FILIP1: variants seen among roughly 807,000 people sequenced by gnomAD.
FILIP1 encodes filamin-A-interacting protein 1.
In FILIP1, 61 loss-of-function variants were observed where a neutral mutation model predicts 102.1. The ratio of observed to expected loss-of-function variants is 0.60; its 90% CI spans 0.49 to 0.74. The LOEUF is 0.74. Among genes scored for constraint, FILIP1 ranks in the 30% least tolerant of loss-of-function variants. The pLI is 0.00. For missense variants in FILIP1, 1,314 were observed against 1,441.2 expected (o/e 0.91, Z 1.43); for synonymous variants, 491 against 526.9 (o/e 0.93, Z 0.93).
At chr6:75,345,498 G>A (rs1232503335) in intron 4 of FILIP1, among the ~76,000 whole-genome samples, 1 of 152,102 alleles carries the variant, frequency 6.6e-6, no homozygotes, top group Non-Finnish European at 1.5e-5. Flanking sequence ...CAAAATGGCA[G>A]GGCCATCTTC....
chr6:75,372,184 A>G (rs1775541505), intron 2 of FILIP1, among the ~76,000 whole-genome samples: 1 of 152,100 alleles, frequency 6.6e-6, no homozygotes, highest in African/African-American at 2.4e-5. Context: ...CCTGACCAAC[A>G]TGGAGAAACC....
At chr6:75,356,079 T>C (rs921048632) in intron 3 of FILIP1, among the ~76,000 whole-genome samples, 1 of 152,200 alleles carries the variant, frequency 6.6e-6, no homozygotes, top group African/African-American at 2.4e-5. Flanking sequence ...GCCACCCCAA[T>C]TGAGAACCAC....
At chr6:75,431,264 T>C (rs1166591348) in intron 1 of FILIP1, among the ~76,000 whole-genome samples, 1 of 152,214 alleles carries the variant, frequency 6.6e-6, no homozygotes, top group East Asian at 1.9e-4. Context: ...TAATTTTTAA[T>C]GTCTAAAATT....
chr6:75,385,624 T>G (rs1442413039), intron 2 of FILIP1: 3 of 152,180 alleles, frequency 2.0e-5, no homozygotes, highest in Admixed American at 2.0e-4. Context: ...ATATATATAG[T>G]ATTATTTATA....
At chr6:75,451,145 G>A (rs1469281113) in intron 1 of FILIP1, among the ~76,000 whole-genome samples, 1 of 151,468 alleles carries the variant, frequency 6.6e-6, no homozygotes, top group African/African-American at 2.4e-5. Context: ...TTAGATTGAG[G>A]AACTGCTTTG....
rs902532682 is a variant in FILIP1 at position 75,493,509 on chromosome 6, C to T, written c.-102G>A. 1.3e-5 allele frequency: 2 copies of T among 152,152 alleles called. No homozygotes were observed. The highest frequency in any genetic ancestry group is 4.8e-5 in the African/African-American group (2 of 41,438). The allele number at this position is 152,152 out of a possible 1,614,324, so 9.4% of individuals were successfully genotyped here. ...CTTGTCTCACAGCCCAAGACAGATT[C>T]GAGTTCTCAAAAACTATCCAGCCCA... On this transcript the variant is annotated 5_prime_UTR_variant, in exon 1 of 6. Coordinates refer to ENST00000237172, the MANE Select transcript of FILIP1 (RefSeq NM_015687.5).
chr6:75,345,598 C>T (rs1230227665), intron 4 of FILIP1, among the ~76,000 whole-genome samples: 1 of 152,050 alleles, frequency 6.6e-6, no homozygotes, highest in Non-Finnish European at 1.5e-5. Context: ...GGTGGGGTGA[C>T]CAGCCTTTTC....
At chr6:75,318,463 T>C (rs1773520675) in intron 4 of FILIP1, among the ~76,000 whole-genome samples, 1 of 152,046 alleles carries the variant, frequency 6.6e-6, no homozygotes, top group South Asian at 2.1e-4. Context: ...ATTGAACTGC[T>C]GGTGTCAAGT....
chr6:75,292,524 A>G (rs1772568947), exon 7 of FILIP1: 1 of 152,228 alleles, frequency 6.6e-6, no homozygotes, highest in South Asian at 2.1e-4. Flanking sequence ...AAGAAATACT[A>G]ATGGTTACTA....
At chr6:75,400,366 T>C (rs924003993) in intron 2 of FILIP1, among the ~76,000 whole-genome samples, 15 of 152,224 alleles carry the variant, frequency 9.9e-5, no homozygotes, top group Admixed American at 8.5e-4. Flanking sequence ...ATAGACACTG[T>C]CTATTCTCAA....
chr6:75,310,470 A>C (rs1261744264), intron 5 of FILIP1, among the ~76,000 whole-genome samples: 1 of 152,244 alleles, frequency 6.6e-6, no homozygotes. Context: ...TTCTAAGAGG[A>C]GTATTCCAAA....
chr6:75,488,399 C>T (rs1005006149), intron 1 of FILIP1, among the ~76,000 whole-genome samples: 1 of 151,630 alleles, frequency 6.6e-6, no homozygotes, highest in Non-Finnish European at 1.5e-5. Flanking sequence ...TGCCTGTAGC[C>T]TTTTCCCTTC....
chr6:75,402,046 G>A (rs145227323), intron 2 of FILIP1, among the ~76,000 whole-genome samples: 125 of 152,170 alleles, frequency 8.2e-4, no homozygotes, highest in African/African-American at 2.8e-3. Flanking sequence ...TTTTCCCATG[G>A]CCAGATTCCT....
chr6:75,359,358 A>G (rs566675349), intron 3 of FILIP1, among the ~76,000 whole-genome samples: 3 of 152,204 alleles, frequency 2.0e-5, no homozygotes, highest in South Asian at 2.1e-4. Context: ...AAATGTTGGG[A>G]TGTAGTGTTT....
At chr6:75,343,387 C>T (rs1774478037) in intron 4 of FILIP1, among the ~76,000 whole-genome samples, 1 of 152,174 alleles carries the variant, frequency 6.6e-6, no homozygotes, top group Non-Finnish European at 1.5e-5. Flanking sequence ...GAATTCTCCA[C>T]ACCAACTCTC....
chr6:75,456,856 A>C (rs1360965598), intron 1 of FILIP1, among the ~76,000 whole-genome samples: 3 of 152,228 alleles, frequency 2.0e-5, no homozygotes, highest in Non-Finnish European at 2.9e-5. Flanking sequence ...TCGTATTCCC[A>C]AAAATATTCT....
rs754885788 is a variant in FILIP1, at chr6:75,314,905, C to T, written c.927G>A (p.Arg309=). Reference sequence around the variant, plus strand: ...TCATCTCTTCATGCTCTTGAGAAAACCTCGAAGCCTTGTGTTCAAAGTCCA... The same window carrying T: ...TCATCTCTTCATGCTCTTGAGAAAATCTCGAAGCCTTGTGTTCAAAGTCCA... ...LEVDFEHKAS[R]FSQEHEEMNA... Residue 309 remains arginine (R), a synonymous_variant, in exon 5 of 6, where the codon AGG becomes AGA. Transcript: ENST00000237172. 6.2e-7 allele frequency: 1 copy of T among 1,613,962 alleles called. No homozygotes were observed.
chr6:75,485,957 C>T (rs1034922773), intron 1 of FILIP1, among the ~76,000 whole-genome samples: 1 of 147,662 alleles, frequency 6.8e-6, no homozygotes, highest in Non-Finnish European at 1.5e-5. Flanking sequence ...TCCTCACTGC[C>T]TTCTGACCAA....
exon 7 of FILIP1, chr6:75,294,615 A>G (rs1772621922): frequency 6.6e-6 from 1 of 152,096 alleles, no homozygotes; most frequent in Admixed American, 6.6e-5. Flanking sequence ...TTTCAAAATC[A>G]AGGGGAAAAA....
Sources: gnomAD v4.1 joint callset for allele counts (sites outside exome capture counted in the v4.1 genomes callset) on GRCh38, gnomAD v4.1.1 for gene constraint, MANE v1.5 for transcripts, NCBI Gene and HGNC (gene_info 2026-07-23, HGNC 2026-07-21) for gene names.